PDE8B: variants seen among roughly 807,000 people sequenced by gnomAD.
The protein encoded by PDE8B is high affinity cAMP-specific and IBMX-insensitive 3',5'-cyclic phosphodiesterase 8B.
PDE8B carries 26 observed loss-of-function variants against 101.3 expected under a neutral mutation model. The ratio of observed to expected loss-of-function variants is 0.26; its 90% CI spans 0.19 to 0.36. PDE8B has a LOEUF of 0.36. PDE8B is among the 10% of genes least tolerant of loss of function. The pLI is 1.00. For synonymous variants in PDE8B, 424 were observed against 429.3 expected, an observed-to-expected ratio of 0.99 and a Z score of 0.15; for missense variants, 810 against 1,163.1, an observed-to-expected ratio of 0.70 and a Z score of 4.42.
chr5:77,315,114 G>A (rs937726466), intron 2 of PDE8B, among the ~76,000 whole-genome samples: 67 of 152,094 alleles, frequency 4.4e-4, no homozygotes, highest in African/African-American at 1.4e-3. Flanking sequence ...CTCTCAATCC[G>A]TGGCTCTTTT....
At chr5:77,095,754 C>T in the PDE8B span, among the ~76,000 whole-genome samples, 9,510 of 152,134 alleles carry the variant, frequency 0.063, 896 homozygotes, top group African/African-American at 0.2. Context: ...GGGCATTGTC[C>T]CCATAAACTT....
At position 77,231,229 on chromosome 5, in the gene PDE8B, C is replaced by G. The variant is rs115946491; in HGVS notation, c.339+19965C>G. Among the ~76,000 whole-genome samples, 578 of 152,234 alleles carry G rather than the reference C, an allele frequency of 3.8e-3. 2 individuals are homozygous for G. Among genetic ancestry groups the G allele is most frequent in the African/African-American group, 0.013 (547 of 41,518 alleles). On this transcript the variant is annotated intron_variant, in intron 1 of 21. Transcript: ENST00000264917. ...GCGTTTTTTACCTGCTTGTATGAAG[C>G]CAGATACAGCAGACAGTGTGGAAAT... is the stretch of plus-strand genomic sequence containing the variant.
chr5:77,324,754 G>T (rs1438927348), intron 2 of PDE8B, among the ~76,000 whole-genome samples: 1 of 152,180 alleles, frequency 6.6e-6, no homozygotes, highest in Non-Finnish European at 1.5e-5. Flanking sequence ...TAAGTTCAAA[G>T]AGGTGGCCTC....
the PDE8B span, among the ~76,000 whole-genome samples, chr5:77,096,435 A>G: frequency 6.6e-5 from 10 of 152,156 alleles, no homozygotes; most frequent in Non-Finnish European, 1.0e-4. Context: ...ATGAACGGGC[A>G]TTTATTAGCT....
At chr5:77,170,640 T>G in the PDE8B span, among the ~76,000 whole-genome samples, 1 of 152,242 alleles carries the variant, frequency 6.6e-6, no homozygotes, top group Non-Finnish European at 1.5e-5. Flanking sequence ...AGGAGATACA[T>G]GGCCACATGG....
the PDE8B span, among the ~76,000 whole-genome samples, chr5:77,160,202 C>T: frequency 1.3e-5 from 2 of 152,110 alleles, no homozygotes; most frequent in Non-Finnish European, 2.9e-5. Flanking sequence ...GCCTTTTTCT[C>T]TCTGCCTTCC....
chr5:77,176,433 G>A, the PDE8B span, among the ~76,000 whole-genome samples: 4 of 152,142 alleles, frequency 2.6e-5, no homozygotes, highest in Non-Finnish European at 4.4e-5. Context: ...GAGCAATGCC[G>A]AAGCAATTTA....
chr5:77,322,706 T>G (rs1388565187), intron 2 of PDE8B, among the ~76,000 whole-genome samples: 1 of 152,260 alleles, frequency 6.6e-6, no homozygotes. Context: ...TTCCTTCTGC[T>G]GCCGGCACCC....
chr5:77,154,444 CAG>C, the PDE8B span, among the ~76,000 whole-genome samples: 2 of 152,312 alleles, frequency 1.3e-5, no homozygotes, highest in South Asian at 4.1e-4. Context: ...AATGGCAGGG[CAG>C]AGAGGCCAGA....
the PDE8B span, among the ~76,000 whole-genome samples, chr5:77,200,693 T>C: frequency 2.8e-3 from 434 of 152,342 alleles, 1 homozygote; most frequent in Non-Finnish European, 5.0e-3. Flanking sequence ...CTGGGAATTA[T>C]GTAGAAGTGC....
In PDE8B at chr5:77,407,424, C is replaced by A; in HGVS notation, c.1332C>A (p.Ile444=). The A allele has an allele frequency of 6.2e-7, 1 of 1,613,996 alleles. No individual in the cohort carries two copies. Among genetic ancestry groups the A allele is most frequent in the Non-Finnish European group, 8.5e-7 (1 of 1,179,916 alleles). ...GTCGCTATCCGTCCATGGCGAGGAT[C>A]CACTCCATGACCATCGAGGCTCCCA... ...QNRRYPSMAR[I]HSMTIEAPIT... is the part of the protein sequence containing the mutation. Residue 444 remains isoleucine (I), a synonymous_variant, in exon 13 of 22, where the codon ATC becomes ATA. Transcript: ENST00000264917.
At chr5:77,320,221 C>T (rs12658216) in intron 2 of PDE8B, among the ~76,000 whole-genome samples, 18 of 152,204 alleles carry the variant, frequency 1.2e-4, no homozygotes, top group East Asian at 9.6e-4. Flanking sequence ...ACCCATCACC[C>T]GAAAAGTGAA....
the PDE8B span, among the ~76,000 whole-genome samples, chr5:77,195,968 A>C: frequency 6.6e-6 from 1 of 152,210 alleles, no homozygotes; most frequent in East Asian, 1.9e-4. Flanking sequence ...TTCAAAGGTC[A>C]ACTGTAGTTT....
the PDE8B span, among the ~76,000 whole-genome samples, chr5:77,183,174 C>T: frequency 6.6e-6 from 1 of 151,618 alleles, no homozygotes; most frequent in East Asian, 1.9e-4. Context: ...GGCTGTAGTA[C>T]AGTGGTTTGA....
At chr5:77,144,829 C>G in the PDE8B span, 1 of 152,008 alleles carries the variant, frequency 6.6e-6, no homozygotes, top group South Asian at 2.1e-4. Context: ...AATATCACCC[C>G]CATGAATCTT....
chr5:77,278,060 G>T (rs1214125608), intron 1 of PDE8B, among the ~76,000 whole-genome samples: 1 of 152,168 alleles, frequency 6.6e-6, no homozygotes, highest in Admixed American at 6.5e-5. Flanking sequence ...TCTTGCCTCT[G>T]CCTACCACTC....
rs201559673 is a variant in PDE8B, at chr5:77,420,520, C to T, written c.2250+633C>T. On this transcript the variant is annotated intron_variant, in intron 19 of 21. Coordinates refer to ENST00000264917, the MANE Select transcript of PDE8B (RefSeq NM_003719.5). ...ACCCCATAAAGGTAGAAAAGCTTTCCGCTCATTCCTGTTGAGCGGCAGAGG... is the reference window on the plus strand; with the variant it reads ...ACCCCATAAAGGTAGAAAAGCTTTCTGCTCATTCCTGTTGAGCGGCAGAGG... 5.3e-5 allele frequency among the ~76,000 whole-genome samples: 8 copies of T among 152,058 alleles called. 1 individual carries two copies. The South Asian group carries it at 1.2e-3, about 24-fold the overall frequency.
At chr5:77,091,323 TA>T in the PDE8B span, among the ~76,000 whole-genome samples, 1 of 152,016 alleles carries the variant, frequency 6.6e-6, no homozygotes, top group Admixed American at 6.5e-5. Flanking sequence ...TTCGTATCAA[TA>T]AAAAAATGAA....
the PDE8B span, among the ~76,000 whole-genome samples, chr5:77,171,684 A>G: frequency 6.6e-6 from 1 of 152,194 alleles, no homozygotes. Context: ...GGGTTAAAAA[A>G]TGGTGCAGTG....
Sources: gnomAD v4.1 joint callset for allele counts (sites outside exome capture counted in the v4.1 genomes callset) on GRCh38, gnomAD v4.1.1 for gene constraint, MANE v1.5 for transcripts, NCBI Gene and HGNC (gene_info 2026-07-23, HGNC 2026-07-21) for gene names.